The following SYT1 variants were observed in gnomAD, a reference collection of about 807,000 sequenced individuals.
The protein encoded by SYT1 is synaptotagmin-1.
In SYT1, 8 loss-of-function variants were observed where a neutral mutation model predicts 44.8. That is an observed-to-expected ratio of 0.18 (90% CI 0.10 to 0.32). The LOEUF (loss-of-function observed/expected upper bound fraction) is 0.32. Among genes scored for constraint, SYT1 ranks in the 10% least tolerant of loss-of-function variants. The probability of loss-of-function intolerance (pLI) is 1.00; values close to 1 mark genes in which losing one functional copy is unlikely to be tolerated. For missense variants in SYT1, 286 were observed against 509.3 expected (o/e 0.56, Z 4.22); for synonymous variants, 154 against 188.8 (o/e 0.82, Z 1.51).
intron 3 of SYT1, among the ~76,000 whole-genome samples, chr12:79,078,230 G>A (rs1016984049): frequency 3.3e-5 from 5 of 152,146 alleles, no homozygotes; most frequent in African/African-American, 1.2e-4. Context: ...TTTAGACTTA[G>A]AGTTGGGAGC....
intron 3 of SYT1, among the ~76,000 whole-genome samples, chr12:79,053,014 C>G (rs1254994100): frequency 1.3e-5 from 2 of 152,138 alleles, no homozygotes; most frequent in African/African-American, 4.8e-5. Flanking sequence ...TGGGTATACA[C>G]CCAAAGGATT....
chr12:79,159,066 T>C (rs1168681625), intron 3 of SYT1, among the ~76,000 whole-genome samples: 1 of 151,930 alleles, frequency 6.6e-6, no homozygotes, highest in Non-Finnish European at 1.5e-5. Flanking sequence ...GGCGGGGAAA[T>C]TACATTAGGA....
chr12:79,363,069 A>C (rs1883380690), intron 9 of SYT1, among the ~76,000 whole-genome samples: 1 of 152,132 alleles, frequency 6.6e-6, no homozygotes, highest in South Asian at 2.1e-4. Context: ...CCAACCCAGA[A>C]TGCTTACATT....
At chr12:79,132,717 T>C (rs78880743) in intron 3 of SYT1, among the ~76,000 whole-genome samples, 3,278 of 133,536 alleles carry the variant, frequency 0.025, 146 homozygotes, top group East Asian at 0.17. Flanking sequence ...AAAATAGAGC[T>C]ACCATGAGAT....
intron 3 of SYT1, among the ~76,000 whole-genome samples, chr12:79,178,369 T>G (rs893038535): frequency 1.3e-5 from 2 of 152,058 alleles, no homozygotes; most frequent in Non-Finnish European, 1.5e-5. Context: ...TTTTTCATGC[T>G]CGTATTGTCT....
At chr12:78,911,718 A>G (rs1876340069) in intron 1 of SYT1, among the ~76,000 whole-genome samples, 1 of 151,968 alleles carries the variant, frequency 6.6e-6, no homozygotes, top group Non-Finnish European at 1.5e-5. Flanking sequence ...GGAGATAAGT[A>G]AAGACAACTC....
intron 3 of SYT1, among the ~76,000 whole-genome samples, chr12:79,202,007 C>CA (rs1873818069): frequency 6.6e-6 from 1 of 152,084 alleles, no homozygotes; most frequent in Non-Finnish European, 1.5e-5. Flanking sequence ...ATTATAGTAT[C>CA]TATAATTACT....
intron 6 of SYT1, among the ~76,000 whole-genome samples, chr12:79,294,634 C>A (rs552517009): frequency 1.6e-4 from 24 of 152,196 alleles, no homozygotes; most frequent in Admixed American, 5.9e-4. Flanking sequence ...TTTAAGCCAT[C>A]TCTCTAGCAT....
chr12:79,049,406 G>A (rs1874305407), intron 3 of SYT1, among the ~76,000 whole-genome samples: 1 of 151,644 alleles, frequency 6.6e-6, no homozygotes, highest in Non-Finnish European at 1.5e-5. Flanking sequence ...TTTAATCTCA[G>A]ATTTTAATTA....
chr12:79,014,150 AAAAG>A (rs1311147251), intron 2 of SYT1, among the ~76,000 whole-genome samples: 3 of 149,232 alleles, frequency 2.0e-5, no homozygotes, highest in Middle Eastern at 3.2e-3. Flanking sequence ...AAAAAAAAAA[AAAAG>A]AAAGAAAAAG....
intron 3 of SYT1, among the ~76,000 whole-genome samples, chr12:79,188,949 C>T (rs538751818): frequency 1.1e-5 from 1 of 94,900 alleles, no homozygotes; most frequent in South Asian, 2.8e-4. Context: ...AGTATCAAAT[C>T]ACTAACCTAT....
At chr12:79,190,684 C>A (rs977435572) in intron 3 of SYT1, among the ~76,000 whole-genome samples, 11 of 152,120 alleles carry the variant, frequency 7.2e-5, no homozygotes, top group Non-Finnish European at 1.6e-4. Context: ...ATTTGAGAAG[C>A]AGTTTGTATT....
At chr12:79,139,114 A>G (rs762753686) in intron 3 of SYT1, among the ~76,000 whole-genome samples, 22 of 152,108 alleles carry the variant, frequency 1.4e-4, no homozygotes, top group Non-Finnish European at 3.1e-4. Context: ...ACACAGAAAC[A>G]ACATCCAAGA....
chr12:79,166,325 A>C (rs188195334), intron 3 of SYT1, among the ~76,000 whole-genome samples: 5 of 152,166 alleles, frequency 3.3e-5, no homozygotes, highest in Admixed American at 2.0e-4. Flanking sequence ...TCATAATTGC[A>C]ATAGAATACA....
At chr12:79,420,219 A>G (rs1869019482) in intron 9 of SYT1, among the ~76,000 whole-genome samples, 1 of 152,136 alleles carries the variant, frequency 6.6e-6, no homozygotes, top group Admixed American at 6.6e-5. Flanking sequence ...TAAATTTCCT[A>G]GATGTATTAA....
At chr12:79,148,773 A>C (rs1790586990) in intron 3 of SYT1, among the ~76,000 whole-genome samples, 1 of 152,134 alleles carries the variant, frequency 6.6e-6, no homozygotes, top group African/African-American at 2.4e-5. Context: ...AACAATGATG[A>C]TGATAGACTT....
At chr12:78,978,034 G>A (rs2137424932) in intron 2 of SYT1, 103 bp downstream of exon 2, 1 of 152,356 alleles carries the variant, frequency 6.6e-6, no homozygotes, top group African/African-American at 2.4e-5. Context: ...GGAGGGAAGG[G>A]TAGTATTTGT....
At chr12:79,314,325 G>C (rs1880976628) in intron 8 of SYT1, among the ~76,000 whole-genome samples, 1 of 152,046 alleles carries the variant, frequency 6.6e-6, no homozygotes, top group African/African-American at 2.4e-5. Context: ...TGTTCAGAAG[G>C]CATTGTCATA....
At chr12:79,220,202 G>A (rs866251842) in intron 4 of SYT1, among the ~76,000 whole-genome samples, 6 of 151,998 alleles carry the variant, frequency 3.9e-5, no homozygotes, top group South Asian at 4.1e-4. Flanking sequence ...CAATTTGTTG[G>A]TATATAATTG....
Sources: gnomAD v4.1 joint callset for allele counts (sites outside exome capture counted in the v4.1 genomes callset) on GRCh38, gnomAD v4.1.1 for gene constraint, MANE v1.5 for transcripts, NCBI Gene and HGNC (gene_info 2026-07-23, HGNC 2026-07-21) for gene names.